The following ACSS3 variants were observed in gnomAD, a reference collection of about 807,000 sequenced individuals.
The protein encoded by ACSS3 is acyl-CoA synthetase short-chain family member 3, mitochondrial.
Under a neutral mutation model 84.2 loss-of-function variants are expected in ACSS3, and 64 were observed. The ratio of observed to expected loss-of-function variants is 0.76; its 90% CI spans 0.62 to 0.94. The LOEUF (loss-of-function observed/expected upper bound fraction) is 0.94, where lower values mean the gene tolerates loss of function less well. Ranked by LOEUF, ACSS3 falls within the 40% of genes least tolerant of loss-of-function variation. ACSS3 has a pLI of 0.00. For synonymous variants in ACSS3, 317 were observed against 310.1 expected, an observed-to-expected ratio of 1.02 and a Z score of -0.23; for missense variants, 815 against 867.6, an observed-to-expected ratio of 0.94 and a Z score of 0.76.
At chr12:81,119,136 C>A (rs937924231) in intron 2 of ACSS3, among the ~76,000 whole-genome samples, 1 of 152,080 alleles carries the variant, frequency 6.6e-6, no homozygotes, top group African/African-American at 2.4e-5. Flanking sequence ...TGATGCCCAC[C>A]TGAGCCACAA....
chr12:81,233,249 G>GT (rs2033524269), intron 12 of ACSS3, 100 bp from the exon 13 acceptor site: 2 of 1,369,888 alleles, frequency 1.5e-6, no homozygotes, highest in Non-Finnish European at 2.0e-6. Flanking sequence ...AATGTTCACA[G>GT]TAAATCCATT....
chr12:81,118,949 C>G (rs138110415), intron 2 of ACSS3, among the ~76,000 whole-genome samples: 1 of 152,146 alleles, frequency 6.6e-6, no homozygotes, highest in Non-Finnish European at 1.5e-5. Flanking sequence ...AAAGGACCAA[C>G]CTGGCCACAG....
chr12:81,217,528 G>A (rs918725999), intron 10 of ACSS3, among the ~76,000 whole-genome samples: 3 of 152,092 alleles, frequency 2.0e-5, no homozygotes, highest in Non-Finnish European at 2.9e-5. Context: ...TGAGGACAAA[G>A]TTTTTAAACC....
At chr12:81,245,752 T>G (rs2136002707) in intron 13 of ACSS3, among the ~76,000 whole-genome samples, 1 of 152,330 alleles carries the variant, frequency 6.6e-6, no homozygotes, top group East Asian at 1.9e-4. Flanking sequence ...CCTGTGAACT[T>G]CCTCTCTGAC....
chr12:81,083,941 G>T (rs568223340), intron 1 of ACSS3, among the ~76,000 whole-genome samples: 1 of 152,228 alleles, frequency 6.6e-6, no homozygotes, highest in East Asian at 1.9e-4. Flanking sequence ...CCTGGTGACA[G>T]AGTGAGACTC....
At chr12:81,102,827 A>T (rs1882633424) in intron 1 of ACSS3, among the ~76,000 whole-genome samples, 1 of 142,050 alleles carries the variant, frequency 7.0e-6, no homozygotes, top group Non-Finnish European at 1.5e-5. Flanking sequence ...GACTGCATCT[A>T]AAAAAAAAAA....
rs570015860 is a variant in ACSS3 at position 81,084,135 on chromosome 12, C to T, written c.311+5704C>T. 1.6e-3 allele frequency among the ~76,000 whole-genome samples: 251 copies of T among 152,286 alleles called. 1 individual carries two copies. Among genetic ancestry groups the T allele is most frequent in the African/African-American group, 4.0e-3 (168 of 41,576 alleles). On this transcript the variant is annotated intron_variant, in intron 1 of 15. Coordinates refer to ENST00000548058, the MANE Select transcript of ACSS3 (RefSeq NM_024560.4). ...TGCATTATACTTTGCCTGTCCCAGC[C>T]ATTAACTTTTCCATTGTGATCATTT...
chr12:81,078,657 G>C (rs1487987955), intron 1 of ACSS3, among the ~76,000 whole-genome samples: 2 of 152,124 alleles, frequency 1.3e-5, no homozygotes, highest in Non-Finnish European at 2.9e-5. Flanking sequence ...TCCCATAAAC[G>C]GGAGATTTAC....
At chr12:81,196,477 TC>T (rs1313002803) in intron 8 of ACSS3, among the ~76,000 whole-genome samples, 2 of 152,306 alleles carry the variant, frequency 1.3e-5, no homozygotes, top group Admixed American at 1.3e-4. Flanking sequence ...TTGACCTTAT[TC>T]TTTTTTTTCT....
intron 1 of ACSS3, among the ~76,000 whole-genome samples, chr12:81,087,242 C>T (rs1234726540): frequency 6.6e-6 from 1 of 152,060 alleles, no homozygotes; most frequent in African/African-American, 2.4e-5. Context: ...AGGTCTTTGA[C>T]TTATGACCTG....
chr12:81,214,931 C>T (rs2032846606), intron 9 of ACSS3, among the ~76,000 whole-genome samples: 1 of 152,204 alleles, frequency 6.6e-6, no homozygotes, highest in South Asian at 2.1e-4. Context: ...GGTGGTATCT[C>T]CTTTCCTAAT....
chr12:81,213,840 T>TCTCTTCTCTTCTCTCCTCTC (rs1372554843), intron 9 of ACSS3, among the ~76,000 whole-genome samples: 39 of 25,904 alleles, frequency 1.5e-3, no homozygotes, highest in Non-Finnish European at 2.8e-3. Context: ...TCTCTTCTCT[T>TCTCTTCTCTTCTCTCCTCTC]CTCTCCTCTC....
chr12:81,100,358 T>C (rs1357280328), intron 1 of ACSS3, among the ~76,000 whole-genome samples: 2 of 151,840 alleles, frequency 1.3e-5, no homozygotes, highest in African/African-American at 4.8e-5. Context: ...TTAAAAGCTA[T>C]CTTCTTTACA....
At chr12:81,107,511 CATATATAT>C (rs566270568) in intron 1 of ACSS3, among the ~76,000 whole-genome samples, 1,250 of 38,660 alleles carry the variant, frequency 0.032, 19 homozygotes, top group Non-Finnish European at 0.043. Context: ...CAAATATATA[CATATATAT>C]ATATATATAT....
intron 13 of ACSS3, among the ~76,000 whole-genome samples, chr12:81,241,971 T>C (rs1186393464): frequency 2.0e-5 from 3 of 152,164 alleles, no homozygotes; most frequent in Non-Finnish European, 4.4e-5. Flanking sequence ...TGGTTTTAGG[T>C]CTAACGTTTA....
chr12:81,221,743 A>C (rs2033117390), intron 11 of ACSS3, among the ~76,000 whole-genome samples: 1 of 152,116 alleles, frequency 6.6e-6, no homozygotes. Flanking sequence ...CAGCAGGGGA[A>C]GAAGGGAAGG....
Position 81,238,241 on chromosome 12 carries a change from A to G in ACSS3, c.1719+4770A>G, listed in dbSNP as rs549922511. 8.0e-4 allele frequency among the ~76,000 whole-genome samples: 122 copies of G among 151,712 alleles called. No homozygotes were observed. The Middle Eastern group carries it at 0.01, about 13-fold the overall frequency. On this transcript the variant is annotated intron_variant, in intron 13 of 15. Transcript: ENST00000548058. Reference sequence around the variant, plus strand: ...TCATGGTACATAACTCTTTCCACACATTGGCATCTATGCTCATGATGGCCT... The same window carrying G: ...TCATGGTACATAACTCTTTCCACACGTTGGCATCTATGCTCATGATGGCCT...
At chr12:81,120,494 T>C (rs938930942) in intron 2 of ACSS3, among the ~76,000 whole-genome samples, 1 of 152,162 alleles carries the variant, frequency 6.6e-6, no homozygotes, top group African/African-American at 2.4e-5. Context: ...ACAATTTTCA[T>C]AACAAGTAGA....
intron 9 of ACSS3, among the ~76,000 whole-genome samples, chr12:81,211,585 G>GT (rs568929169): frequency 3.2e-4 from 49 of 152,222 alleles, no homozygotes; most frequent in African/African-American, 1.2e-3. Context: ...GGTCCCTGAT[G>GT]TTTAGAAAGC....
Sources: allele counts gnomAD v4.1 joint callset (sites outside exome capture counted in the v4.1 genomes callset), GRCh38; gene constraint gnomAD v4.1.1; transcripts MANE v1.5; gene names NCBI Gene and HGNC (gene_info 2026-07-23, HGNC 2026-07-21).